IQCB1: variants seen among roughly 807,000 people sequenced by gnomAD.
IQCB1 encodes the protein IQ motif containing B1.
In IQCB1, 56 loss-of-function variants were observed where a neutral mutation model predicts 84.4. That is an observed-to-expected ratio of 0.66 (90% CI 0.54 to 0.83). The LOEUF is 0.83. Among genes scored for constraint, IQCB1 ranks in the 40% least tolerant of loss-of-function variants. IQCB1 has a pLI of 0.00. For synonymous variants in IQCB1, 210 were observed against 234.8 expected (o/e 0.89, Z 0.96); for missense variants, 629 against 682.1 (o/e 0.92, Z 0.87).
intron 5 of IQCB1, among the ~76,000 whole-genome samples, chr3:121,820,330 T>C (rs1469728956): frequency 2.0e-5 from 3 of 152,204 alleles, no homozygotes; most frequent in African/African-American, 4.8e-5. Context: ...TCAACTTCTT[T>C]GCCTTCAGTT....
chr3:121,799,771 C>G (rs886969538), intron 7 of IQCB1, among the ~76,000 whole-genome samples: 8 of 151,874 alleles, frequency 5.3e-5, no homozygotes, highest in East Asian at 3.9e-4. Flanking sequence ...TGTACAAAGA[C>G]AAAAATGCCA....
chr3:121,805,777 C>T (rs2108587282), intron 7 of IQCB1, among the ~76,000 whole-genome samples: 1 of 152,170 alleles, frequency 6.6e-6, no homozygotes, highest in Admixed American at 6.6e-5. Flanking sequence ...TTGGGTATTC[C>T]TTACAATGTG....
chr3:121,795,447 A>AT lies in IQCB1; in HGVS notation c.986+9dup, dbSNP rs748456998. On this transcript the variant is annotated intron_variant, in intron 10 of 14. Coordinates refer to ENST00000310864, the MANE Select transcript of IQCB1 (RefSeq NM_001023570.4). ...CTATGATCATCAATCCCCTCACCAA[A>AT]TTTTTTTACCTGAAACTCCTCTGCA... 17 of 1,497,546 alleles carry AT rather than the reference A, an allele frequency of 1.1e-5. 1 individual carries two copies. The East Asian group carries it at 1.8e-4, about 16-fold the overall frequency. The allele number at this position is 1,497,546 out of a possible 1,614,324, so 92.8% of individuals were successfully genotyped here. A position where few individuals can be genotyped will look rare whatever the true frequency, so the allele number is the denominator to read the frequency against.
chr3:121,787,189 T>C (rs940454187), intron 12 of IQCB1, among the ~76,000 whole-genome samples: 2 of 148,194 alleles, frequency 1.3e-5, no homozygotes, highest in African/African-American at 5.0e-5. Flanking sequence ...TTTGGATGAT[T>C]AAAAAAAAAA....
chr3:121,783,211 A>G (rs1398837565), intron 12 of IQCB1, among the ~76,000 whole-genome samples: 2 of 152,198 alleles, frequency 1.3e-5, no homozygotes, highest in Admixed American at 1.3e-4. Context: ...TTCTTACTAG[A>G]GTTACCCACT....
In IQCB1 at chr3:121,780,949, A is replaced by G. The variant is rs76548748; in HGVS notation, c.1410+794T>C. Among the ~76,000 whole-genome samples the G allele has an allele frequency of 1.7e-3, 252 of 152,328 alleles. 4 individuals are homozygous for G. The East Asian group carries it at 0.045, about 27-fold the overall frequency. On this transcript the variant is annotated intron_variant, in intron 13 of 14. Transcript: ENST00000310864. ...ACCACAATCACAACAAAACTCGTGAAAAGTACCAAGATACACTATGAGTGC... is the reference window on the plus strand; with the variant it reads ...ACCACAATCACAACAAAACTCGTGAGAAGTACCAAGATACACTATGAGTGC...
At position 121,788,355 on chromosome 3, in the gene IQCB1, C is replaced by T. The variant is rs1215748663; in HGVS notation, c.1207G>A (p.Glu403Lys). 1 of 1,613,836 alleles carries T rather than the reference C, an allele frequency of 6.2e-7. No individual in the cohort carries two copies. The highest frequency in any genetic ancestry group is 2.2e-5 in the East Asian group (1 of 44,848). ...IIQKHWRGYR[E>K]RKNFHQQRQS... ...CTCTGTTGGTGAAAATTTTTCCTTT[C>T]CCTGTACCCTCTCCAATGTTTCTGG... Residue 403 changes from glutamate (E) to lysine (K), a missense_variant, in exon 12 of 15, where the codon GAA (glutamate) becomes AAA (lysine). Physicochemically the swap from Glu to Lys is moderately conservative, Grantham distance 56 (BLOSUM62 1). Coordinates refer to ENST00000310864, the MANE Select transcript of IQCB1 (RefSeq NM_001023570.4).
chr3:121,786,170 C>CAAGAAAAGAAAAG, intron 12 of IQCB1, among the ~76,000 whole-genome samples: 2 of 72,858 alleles, frequency 2.7e-5, no homozygotes, highest in East Asian at 2.8e-4. Flanking sequence ...GATTCTGTCT[C>CAAGAAAAGAAAAG]AAAAGAAAAG....
chr3:121,833,369 G>A (rs1708054426), intron 2 of IQCB1, among the ~76,000 whole-genome samples: 1 of 152,122 alleles, frequency 6.6e-6, no homozygotes, highest in Non-Finnish European at 1.5e-5. Context: ...GGCATTCTGA[G>A]CCTCAATTTC....
At chr3:121,813,498 AC>A (rs1949915489) in intron 5 of IQCB1, among the ~76,000 whole-genome samples, 1 of 152,216 alleles carries the variant, frequency 6.6e-6, no homozygotes, top group Non-Finnish European at 1.5e-5. Context: ...AACTGTCTAA[AC>A]CCATCTGTGT....
chr3:121,829,420 G>T (rs542819234), intron 2 of IQCB1, among the ~76,000 whole-genome samples: 2 of 152,326 alleles, frequency 1.3e-5, no homozygotes, highest in Admixed American at 1.3e-4. Context: ...GATTTCAGGA[G>T]GGTTTCTGCC....
intron 13 of IQCB1, among the ~76,000 whole-genome samples, chr3:121,773,951 C>T (rs1011069943): frequency 2.6e-4 from 39 of 151,480 alleles, no homozygotes; most frequent in African/African-American, 9.4e-4. Context: ...CACCAAAGAT[C>T]ACTATCAAGA....
intron 5 of IQCB1, among the ~76,000 whole-genome samples, chr3:121,817,115 G>A (rs1370333610): frequency 6.6e-6 from 1 of 152,092 alleles, no homozygotes; most frequent in Non-Finnish European, 1.5e-5. Flanking sequence ...GCAGGGACAT[G>A]GATGAAGGTG....
chr3:121,820,689 T>C (rs1201608938), intron 5 of IQCB1, among the ~76,000 whole-genome samples: 2 of 152,198 alleles, frequency 1.3e-5, no homozygotes, highest in Non-Finnish European at 2.9e-5. Context: ...CTTGAAACCT[T>C]AGACTCAACT....
At chr3:121,807,204 T>C (rs1949629034) in intron 7 of IQCB1, 140 bp downstream of exon 7, 1 of 609,754 alleles carries the variant, frequency 1.6e-6, no homozygotes, top group African/African-American at 1.9e-5. Context: ...TGTATATACA[T>C]TATATACGAG....
chr3:121,796,742 G>C (rs989605790), intron 9 of IQCB1, among the ~76,000 whole-genome samples: 2 of 152,144 alleles, frequency 1.3e-5, no homozygotes, highest in Non-Finnish European at 2.9e-5. Flanking sequence ...GCTTTCATGA[G>C]AAATGATGAA....
At chr3:121,790,275 C>A in intron 10 of IQCB1, 60 bp from the exon 11 acceptor site, 2 of 1,449,570 alleles carry the variant, frequency 1.4e-6, no homozygotes, top group South Asian at 1.2e-5. Context: ...AAATGCATAA[C>A]CTCACTAGTA....
Position 121,770,204 on chromosome 3 carries a change from T to A in IQCB1, c.*141A>T. 1.6e-6 allele frequency: 1 copy of A among 637,706 alleles called. No homozygotes were observed. Among genetic ancestry groups the A allele is most frequent in the Non-Finnish European group, 2.8e-6 (1 of 358,154 alleles). 39.5% of individuals were successfully genotyped at this position (637,706 alleles called of 1,614,324 possible). ...TTGAGAGAGAGGTAGAATATAACTC[T>A]TTGCTTACTGCAGGTCTTGTCTGGA... is the stretch of plus-strand genomic sequence containing the variant. On this transcript the variant is annotated 3_prime_UTR_variant, in exon 15 of 15. Coordinates refer to ENST00000310864, the MANE Select transcript of IQCB1 (RefSeq NM_001023570.4).
chr3:121,775,339 C>G (rs560109821), intron 13 of IQCB1, among the ~76,000 whole-genome samples: 2 of 152,306 alleles, frequency 1.3e-5, no homozygotes, highest in African/African-American at 2.4e-5. Flanking sequence ...ATGGATGAAG[C>G]TGGAAACCAT....
Sources: allele counts gnomAD v4.1 joint callset (sites outside exome capture counted in the v4.1 genomes callset), GRCh38; gene constraint gnomAD v4.1.1; transcripts MANE v1.5; gene names NCBI Gene and HGNC (gene_info 2026-07-23, HGNC 2026-07-21).